Variants in PRMT1 observed in about 807,000 individuals in gnomAD.
PRMT1 encodes protein arginine methyltransferase 1.
In PRMT1, 5 loss-of-function variants were observed where a neutral mutation model predicts 47.4. The ratio of observed to expected loss-of-function variants is 0.11; its 90% CI spans 0.06 to 0.22. PRMT1 has a LOEUF of 0.22. Among genes scored for constraint, PRMT1 ranks in the 10% least tolerant of loss-of-function variants. PRMT1 has a pLI of 1.00. For missense variants in PRMT1, 249 were observed against 518.4 expected (o/e 0.48, Z 5.05); for synonymous variants, 227 against 204.6 (o/e 1.11, Z -0.94).
rs1309772873 is a variant in PRMT1 at position 49,684,240 on chromosome 19, G to A, written c.555+171G>A. ...GACAGACCCTGGAGGGAGATGGTGCGATGTGGGGGAGGTCGTAGGAACAGG... is the reference window on the plus strand; with the variant it reads ...GACAGACCCTGGAGGGAGATGGTGCAATGTGGGGGAGGTCGTAGGAACAGG... On this transcript the variant is annotated intron_variant, in intron 6 of 10. Coordinates refer to ENST00000454376, the MANE Select transcript of PRMT1 (RefSeq NM_001536.6). The surrounding 1 kb of genome is among the most constrained non-coding windows in gnomAD (Gnocchi z 6.2). 6.6e-5 allele frequency among the ~76,000 whole-genome samples: 10 copies of A among 152,112 alleles called. No homozygotes were observed. Among genetic ancestry groups the A allele is most frequent in the African/African-American group, 1.4e-4 (6 of 41,500 alleles).
chr19:49,685,518 G>GTTT lies in PRMT1; in HGVS notation c.759+488_759+490dup. 1.0e-6 allele frequency: 1 copy of GTTT among 989,152 alleles called. No homozygotes were observed. The highest frequency in any genetic ancestry group is 4.0e-5 in the South Asian group (1 of 24,978). The allele number at this position is 989,152 out of a possible 1,614,324, so 61.3% of individuals were successfully genotyped here. On this transcript the variant is annotated intron_variant, in intron 8 of 10. Transcript: ENST00000454376. The surrounding 1 kb of genome is among the most constrained non-coding windows in gnomAD (Gnocchi z 4.7). ...ATGTTTTGTTTTGTTTTTTCCTTTT[G>GTTT]TTTTTTTTTACTTCTGAGACCCTGT...
At position 49,684,245 on chromosome 19, in the gene PRMT1, G is replaced by C. The variant is rs1358447619; in HGVS notation, c.555+176G>C. On this transcript the variant is annotated intron_variant, in intron 6 of 10. Transcript: ENST00000454376. The surrounding 1 kb of genome is among the most constrained non-coding windows in gnomAD (Gnocchi z 6.2). ...ACCCTGGAGGGAGATGGTGCGATGT[G>C]GGGGAGGTCGTAGGAACAGGAAATC... Among the ~76,000 whole-genome samples the C allele has an allele frequency of 1.3e-5, 2 of 151,948 alleles. No individual in the cohort carries two copies. The highest frequency in any genetic ancestry group is 2.4e-5 in the African/African-American group (1 of 41,336).
intron 9 of PRMT1, 112 bp from the exon 10 acceptor site, chr19:49,686,493 G>T: frequency 7.8e-7 from 1 of 1,282,056 alleles, no homozygotes. Context: ...GGTGACTCGC[G>T]GATAGCAGTC....
At position 49,681,759 on chromosome 19, in the gene PRMT1, A is replaced by T. The variant is rs905218821; in HGVS notation, c.193-151A>T. The T allele has an allele frequency of 1.9e-6, 1 of 536,956 alleles. No individual in the cohort carries two copies. The highest frequency in any genetic ancestry group is 2.0e-5 in the African/African-American group (1 of 50,750). 33.3% of individuals were successfully genotyped at this position (536,956 alleles called of 1,614,324 possible). On this transcript the variant is annotated intron_variant, in intron 3 of 10. Coordinates refer to ENST00000454376, the MANE Select transcript of PRMT1 (RefSeq NM_001536.6). The surrounding 1 kb of genome is among the most constrained non-coding windows in gnomAD (Gnocchi z 4.4). ...TCTCAAAAAATAAAATAAAATAAAA[A>T]TAAATAAATGAATAAATATAAAAGG...
At position 49,685,517 on chromosome 19, in the gene PRMT1, T is replaced by A; in HGVS notation, c.759+480T>A. 2 of 1,019,820 alleles carry A rather than the reference T, an allele frequency of 2.0e-6. No individual in the cohort carries two copies. The highest frequency in any genetic ancestry group is 2.4e-6 in the Non-Finnish European group (2 of 850,564). The allele number at this position is 1,019,820 out of a possible 1,614,324, so 63.2% of individuals were successfully genotyped here. A position where few individuals can be genotyped will look rare whatever the true frequency, so the allele number is the denominator to read the frequency against. Reference sequence around the variant, plus strand: ...AATGTTTTGTTTTGTTTTTTCCTTTTGTTTTTTTTTACTTCTGAGACCCTG... The same window carrying A: ...AATGTTTTGTTTTGTTTTTTCCTTTAGTTTTTTTTTACTTCTGAGACCCTG... On this transcript the variant is annotated intron_variant, in intron 8 of 10. Transcript: ENST00000454376. The surrounding 1 kb of genome is among the most constrained non-coding windows in gnomAD (Gnocchi z 4.7).
intron 5 of PRMT1, 113 bp downstream of exon 5, chr19:49,682,372 C>A: frequency 1.7e-6 from 2 of 1,161,422 alleles, no homozygotes; most frequent in Non-Finnish European, 2.5e-6. Context: ...CAGCAGCTCC[C>A]AACCCATGGT....
upstream of PRMT1, chr19:49,676,326 A>C (rs2082038967): frequency 6.6e-6 from 1 of 152,266 alleles, no homozygotes; most frequent in African/African-American, 2.4e-5. Context: ...GGCCCTTTGC[A>C]TTCAGCTTCA....
chr19:49,685,190 GAC>G lies in PRMT1; in HGVS notation c.759+156_759+157del. ...GAGGTGGTGCTAGAGGCCCAGGAAA[GAC>G]ACTTCGTCCTTTAAATATCTTTGTG... is the stretch of plus-strand genomic sequence containing the variant. On this transcript the variant is annotated intron_variant, in intron 8 of 10. Coordinates refer to ENST00000454376, the MANE Select transcript of PRMT1 (RefSeq NM_001536.6). The surrounding 1 kb of genome is among the most constrained non-coding windows in gnomAD (Gnocchi z 4.7). 6.5e-7 allele frequency: 1 copy of G among 1,541,046 alleles called. No homozygotes were observed. The highest frequency in any genetic ancestry group is 8.7e-7 in the Non-Finnish European group (1 of 1,146,684).
chr19:49,677,224 G>A (rs2082047026), upstream of PRMT1: 1 of 1,399,470 alleles, frequency 7.1e-7, no homozygotes, highest in South Asian at 1.7e-5. Context: ...CGGTCCCGGG[G>A]GAGTGAGGAG....
chr19:49,678,208 G>T (rs2082065570), intron 1 of PRMT1: 1 of 152,192 alleles, frequency 6.6e-6, no homozygotes, highest in Admixed American at 6.6e-5. Context: ...AGGAGTTGTG[G>T]GAAATATGTA....
At chr19:49,683,194 C>T (rs963723927) in intron 5 of PRMT1, among the ~76,000 whole-genome samples, 1 of 151,524 alleles carries the variant, frequency 6.6e-6, no homozygotes, top group African/African-American at 2.4e-5. Flanking sequence ...GCTGAGATTA[C>T]AGGCGTGAGC....
In PRMT1 at chr19:49,685,348, C is replaced by T. The variant is rs1018172440; in HGVS notation, c.759+311C>T. On this transcript the variant is annotated intron_variant, in intron 8 of 10. Transcript: ENST00000454376. The surrounding 1 kb of genome is among the most constrained non-coding windows in gnomAD (Gnocchi z 4.7). ...AGGGCGATGAGCGGATGCACATGCACGCGGGCCACTGCAGAAGAGCACGGG... is the reference window on the plus strand; with the variant it reads ...AGGGCGATGAGCGGATGCACATGCATGCGGGCCACTGCAGAAGAGCACGGG... The T allele has an allele frequency of 7.7e-6, 10 of 1,295,866 alleles. No homozygotes were observed. Among genetic ancestry groups the T allele is most frequent in the Admixed American group, 3.2e-5 (1 of 30,910 alleles). 80.3% of individuals were successfully genotyped at this position (1,295,866 alleles called of 1,614,324 possible).
At chr19:49,686,762 C>T in intron 10 of PRMT1, 36 bp downstream of exon 10, 3 of 1,303,740 alleles carry the variant, frequency 2.3e-6, no homozygotes, top group Non-Finnish European at 3.1e-6. Flanking sequence ...AGGGTGGCAG[C>T]TAGGGCGGGG....
chr19:49,679,695 CT>C (rs1405963741), intron 1 of PRMT1, 176 bp from the exon 2 acceptor site: 3 of 668,672 alleles, frequency 4.5e-6, no homozygotes, highest in Admixed American at 2.1e-5. Context: ...TCTCCCCTCA[CT>C]TTTCCCACCC....
intron 1 of PRMT1, among the ~76,000 whole-genome samples, chr19:49,677,988 T>C (rs1208332918): frequency 6.6e-6 from 1 of 151,416 alleles, no homozygotes; most frequent in African/African-American, 2.4e-5. Context: ...GCTTTAGGAG[T>C]TGGGGGATGG....
chr19:49,685,066 C>T lies in PRMT1; in HGVS notation c.759+29C>T. 5.6e-6 allele frequency: 9 copies of T among 1,613,958 alleles called. No individual in the cohort carries two copies. Among genetic ancestry groups the T allele is most frequent in the Non-Finnish European group, 7.6e-6 (9 of 1,179,908 alleles). ...AGGGGGTGGGCATGGCCAGGTGCCC[C>T]CTGGGTTGAAACCAAAGAGAGGCCA... On this transcript the variant is annotated intron_variant, in intron 8 of 10. Coordinates refer to ENST00000454376, the MANE Select transcript of PRMT1 (RefSeq NM_001536.6). This position sits in a 1 kb window ranked among gnomAD's most constrained non-coding sequence, Gnocchi z 4.7.
rs766066221 is a variant in PRMT1 at position 49,680,289 on chromosome 19, G to A, written c.91-198G>A. 3 of 1,447,270 alleles carry A rather than the reference G, an allele frequency of 2.1e-6. No individual in the cohort carries two copies. The highest frequency in any genetic ancestry group is 4.6e-5 in the East Asian group (2 of 43,250). 89.7% of individuals were successfully genotyped at this position (1,447,270 alleles called of 1,614,324 possible). Reference sequence around the variant, plus strand: ...GCTCCCCTGGATGGTGCTCTGGGGGGGTCCTGGAAGTGGAAAATGGGGTTG... The same window carrying A: ...GCTCCCCTGGATGGTGCTCTGGGGGAGTCCTGGAAGTGGAAAATGGGGTTG... On this transcript the variant is annotated intron_variant, in intron 2 of 10. Transcript: ENST00000454376. This position sits in a 1 kb window ranked among gnomAD's most constrained non-coding sequence, Gnocchi z 4.2.
In PRMT1 at chr19:49,684,855, G is replaced by A. The variant is rs150352878; in HGVS notation, c.643+14G>A. 9.6e-4 allele frequency: 1,545 copies of A among 1,611,762 alleles called. 9 individuals are homozygous for A. The African/African-American group carries it at 0.016, about 16-fold the overall frequency. On this transcript the variant is annotated intron_variant, in intron 7 of 10. Coordinates refer to ENST00000454376, the MANE Select transcript of PRMT1 (RefSeq NM_001536.6). This position sits in a 1 kb window ranked among gnomAD's most constrained non-coding sequence, Gnocchi z 6.2. ...ACAAGATCCACTGTGAGCGCGGCCCGGGAGCTGGCGGGCGGGGCCTCGGGT... is the reference window on the plus strand; with the variant it reads ...ACAAGATCCACTGTGAGCGCGGCCCAGGAGCTGGCGGGCGGGGCCTCGGGT...
chr19:49,678,952 C>T (rs1431790471), intron 1 of PRMT1, among the ~76,000 whole-genome samples: 2 of 149,470 alleles, frequency 1.3e-5, no homozygotes, highest in African/African-American at 5.0e-5. Context: ...GGCTTGATCT[C>T]GGCTCATTGC....
Sources: allele counts gnomAD v4.1 joint callset (sites outside exome capture counted in the v4.1 genomes callset), GRCh38; gene constraint gnomAD v4.1.1; non-coding constraint Gnocchi (gnomAD v3.1); transcripts MANE v1.5; gene names NCBI Gene and HGNC (gene_info 2026-07-23, HGNC 2026-07-21).